The following RBFOX1 variants were observed in gnomAD, a reference collection of about 807,000 sequenced individuals.
RBFOX1 encodes RNA binding fox-1 homolog 1.
Under a neutral mutation model 57.7 loss-of-function variants are expected in RBFOX1, and 8 were observed. The observed-to-expected ratio is 0.14, with a 90% confidence interval of 0.08 to 0.25. RBFOX1 has a LOEUF of 0.25. Among genes scored for constraint, RBFOX1 ranks in the 10% least tolerant of loss-of-function variants. The pLI is 1.00. For missense variants in RBFOX1, 611 were observed against 548.5 expected, an observed-to-expected ratio of 1.11 and a Z score of -1.14; for synonymous variants, 326 against 222.4, an observed-to-expected ratio of 1.47 and a Z score of -4.15.
chr16:7,281,790 C>T (rs1311527232), intron 4 of RBFOX1, among the ~76,000 whole-genome samples: 6 of 152,106 alleles, frequency 3.9e-5, no homozygotes, highest in Non-Finnish European at 5.9e-5. Context: ...TCTTGACTTC[C>T]TCTCTGCAGA....
chr16:5,350,266 G>T (rs1021665829), intron 1 of RBFOX1, among the ~76,000 whole-genome samples: 3 of 152,306 alleles, frequency 2.0e-5, no homozygotes, highest in South Asian at 2.1e-4. Flanking sequence ...TTGACAAGAA[G>T]CTCATGATTT....
chr16:6,772,220 G>C (rs1026264432), intron 3 of RBFOX1, among the ~76,000 whole-genome samples: 1 of 152,150 alleles, frequency 6.6e-6, no homozygotes, highest in Non-Finnish European at 1.5e-5. Flanking sequence ...AAGTGGGCTA[G>C]TGGGGAGTTT....
At chr16:5,434,488 A>AT (rs1436025890) in intron 1 of RBFOX1, among the ~76,000 whole-genome samples, 1 of 151,148 alleles carries the variant, frequency 6.6e-6, no homozygotes, top group Non-Finnish European at 1.5e-5. Context: ...TGCCCAGCTA[A>AT]TTTTTGTATT....
At chr16:6,268,061 T>G (rs1338626859) in intron 1 of RBFOX1, among the ~76,000 whole-genome samples, 3 of 152,200 alleles carry the variant, frequency 2.0e-5, no homozygotes, top group Admixed American at 2.0e-4. Context: ...ACTCTTGGGC[T>G]GAATGTATTA....
Position 6,581,050 on chromosome 16 carries a change from C to A in RBFOX1, c.-63-73553C>A, listed in dbSNP as rs529102737. ...TTAGAAGAATGCTGTAAATATTTCT[C>A]CCACTTCATTTTCTTTTCCCTTCTC... On this transcript the variant is annotated intron_variant, in intron 2 of 15. Coordinates refer to ENST00000550418, the MANE Select transcript of RBFOX1 (RefSeq NM_018723.4). 5.3e-5 allele frequency among the ~76,000 whole-genome samples: 8 copies of A among 152,104 alleles called. No individual in the cohort carries two copies. The East Asian group carries it at 1.4e-3, about 26-fold the overall frequency.
At chr16:6,834,840 C>G (rs1009592272) in intron 3 of RBFOX1, among the ~76,000 whole-genome samples, 3 of 150,910 alleles carry the variant, frequency 2.0e-5, no homozygotes, top group African/African-American at 7.3e-5. Context: ...CTTTGTCCAT[C>G]TGGAAGTCAA....
chr16:6,920,602 A>G (rs2074252706), intron 3 of RBFOX1, among the ~76,000 whole-genome samples: 1 of 152,214 alleles, frequency 6.6e-6, no homozygotes, highest in Non-Finnish European at 1.5e-5. Flanking sequence ...GAAGTCTGAA[A>G]TCAAGATGTG....
At chr16:6,744,764 C>G (rs950148327) in intron 3 of RBFOX1, among the ~76,000 whole-genome samples, 1 of 151,970 alleles carries the variant, frequency 6.6e-6, no homozygotes, top group Non-Finnish European at 1.5e-5. Context: ...AAATCACTTA[C>G]TTTATCTTCT....
rs113041408 is a variant in RBFOX1, at chr16:6,131,943, C to T, written c.-127+111951C>T. On this transcript the variant is annotated intron_variant, in intron 1 of 15. Coordinates refer to ENST00000550418, the MANE Select transcript of RBFOX1 (RefSeq NM_018723.4). ...TATGCACGTCTGGCGGATAATGACA[C>T]TTAAGAAGCTTTGCTTAAAACTGAT... is the stretch of plus-strand genomic sequence containing the variant. Among the ~76,000 whole-genome samples the T allele has an allele frequency of 1.1e-3, 161 of 152,308 alleles. 1 individual carries two copies. The highest frequency in any genetic ancestry group is 3.7e-3 in the African/African-American group (152 of 41,574).
chr16:5,744,315 T>C (rs2052891965), intron 3 of RBFOX1, among the ~76,000 whole-genome samples: 1 of 152,238 alleles, frequency 6.6e-6, no homozygotes, highest in South Asian at 2.1e-4. Context: ...TTTCCTTTGC[T>C]GTCGCTCTGA....
intron 4 of RBFOX1, among the ~76,000 whole-genome samples, chr16:7,417,411 TC>T (rs1030103649): frequency 4.7e-5 from 7 of 149,474 alleles, no homozygotes; most frequent in African/African-American, 1.5e-4. Flanking sequence ...CATATCCTGT[TC>T]CCCCAGTTTC....
intron 2 of RBFOX1, among the ~76,000 whole-genome samples, chr16:6,431,999 T>C (rs1159411703): frequency 6.6e-6 from 1 of 151,498 alleles, no homozygotes; most frequent in Admixed American, 6.6e-5. Flanking sequence ...TCATATTCTA[T>C]CACCAAGGCT....
intron 2 of RBFOX1, among the ~76,000 whole-genome samples, chr16:5,562,912 G>C (rs545016959): frequency 6.6e-6 from 1 of 152,288 alleles, no homozygotes; most frequent in South Asian, 2.1e-4. Flanking sequence ...GGAATATGCA[G>C]ATGAGGTCTT....
intron 1 of RBFOX1, among the ~76,000 whole-genome samples, chr16:6,144,484 C>G (rs1255227397): frequency 6.6e-6 from 1 of 152,166 alleles, no homozygotes; most frequent in East Asian, 1.9e-4. Flanking sequence ...CTATAAGTGG[C>G]TTCTAATTTG....
chr16:7,611,002 G>T (rs1269351769), intron 10 of RBFOX1, among the ~76,000 whole-genome samples: 1 of 152,114 alleles, frequency 6.6e-6, no homozygotes, highest in Non-Finnish European at 1.5e-5. Flanking sequence ...TGTATTTTTA[G>T]TAGGCTGGCT....
chr16:6,830,807 C>G (rs1603629951), intron 3 of RBFOX1, among the ~76,000 whole-genome samples: 1 of 152,096 alleles, frequency 6.6e-6, no homozygotes, highest in East Asian at 1.9e-4. Context: ...AGAGAGTCAT[C>G]CAGATAAAAT....
chr16:7,499,724 T>C (rs575898431), intron 4 of RBFOX1, among the ~76,000 whole-genome samples: 4 of 152,188 alleles, frequency 2.6e-5, no homozygotes, highest in Non-Finnish European at 4.4e-5. Flanking sequence ...ACTCAACATA[T>C]ATTAAGGCTT....
intron 3 of RBFOX1, among the ~76,000 whole-genome samples, chr16:5,861,268 C>A (rs1202850736): frequency 1.3e-5 from 2 of 152,196 alleles, no homozygotes; most frequent in African/African-American, 4.8e-5. Flanking sequence ...ACACGGTTGG[C>A]TACATGCTTA....
chr16:6,952,479 T>C (rs1279818889), intron 3 of RBFOX1, among the ~76,000 whole-genome samples: 1 of 151,780 alleles, frequency 6.6e-6, no homozygotes, highest in Non-Finnish European at 1.5e-5. Context: ...AGACCCTGTC[T>C]CTACAAAAAA....
Sources: allele counts gnomAD v4.1 joint callset (sites outside exome capture counted in the v4.1 genomes callset), GRCh38; gene constraint gnomAD v4.1.1; transcripts MANE v1.5; gene names NCBI Gene and HGNC (gene_info 2026-07-23, HGNC 2026-07-21).